SLIT2: variants seen among roughly 807,000 people sequenced by gnomAD.
SLIT2 encodes slit guidance ligand 2, also known as slit homolog 2 protein.
A neutral mutation model predicts 185.7 loss-of-function variants in SLIT2; 41 were observed. The ratio of observed to expected loss-of-function variants is 0.22; its 90% confidence interval spans 0.17 to 0.29. The LOEUF is 0.29. Ranked by LOEUF, SLIT2 falls within the 10% of genes least tolerant of loss-of-function variation. The pLI, the probability that SLIT2 is intolerant of heterozygous loss-of-function variation, is 1.00. For synonymous variants in SLIT2, 693 were observed against 680.2 expected (o/e 1.02, Z -0.29); for missense variants, 1,571 against 1,909.0 (o/e 0.82, Z 3.30).
intron 4 of SLIT2, among the ~76,000 whole-genome samples, chr4:20,402,442 A>G (rs556261973): frequency 6.6e-6 from 1 of 152,060 alleles, no homozygotes. Flanking sequence ...TTAAAAAACC[A>G]GCTCTTGAAA....
rs971144279 is a variant in SLIT2 at position 20,497,947 on chromosome 4, G to A, written c.914+6048G>A. Among the ~76,000 whole-genome samples, 4 of 151,588 alleles carry A rather than the reference G, an allele frequency of 2.6e-5. No homozygotes were observed. The South Asian group carries it at 8.3e-4, about 32-fold the overall frequency. ...TCAGCACTTTTAGAGGCCGAGGCGGGCAGATCACGAGGTCAAGAGATCAAC... is the reference window on the plus strand; with the variant it reads ...TCAGCACTTTTAGAGGCCGAGGCGGACAGATCACGAGGTCAAGAGATCAAC... On this transcript the variant is annotated intron_variant, in intron 9 of 36. Transcript: ENST00000504154.
At position 20,254,839 on chromosome 4, in the gene SLIT2, T is replaced by C. The variant is rs886767850; in HGVS notation, c.179+845T>C. ...CCCCATCCACCTTTCTGGCAGTTTC[T>C]GCGCCCCTTCACGTGGCAGCAGTTC... On this transcript the variant is annotated intron_variant, in intron 1 of 36. Coordinates refer to ENST00000504154, the MANE Select transcript of SLIT2 (RefSeq NM_004787.4). The surrounding 1 kb of genome is among the most constrained non-coding windows in gnomAD (Gnocchi z 5.1). 49 of 437,976 alleles carry C rather than the reference T, an allele frequency of 1.1e-4. No homozygotes were observed. In the East Asian group the frequency reaches 3.0e-3, roughly 27 times the overall value. The allele number at this position is 437,976 out of a possible 1,614,324, so 27.1% of individuals were successfully genotyped here.
At chr4:20,331,399 A>T (rs892471382) in intron 4 of SLIT2, among the ~76,000 whole-genome samples, 2 of 152,130 alleles carry the variant, frequency 1.3e-5, no homozygotes, top group African/African-American at 4.8e-5. Flanking sequence ...AGTCTATAAG[A>T]ATGTTGCATT....
chr4:20,339,068 G>A (rs1459689899), intron 4 of SLIT2, among the ~76,000 whole-genome samples: 3 of 124,956 alleles, frequency 2.4e-5, no homozygotes, highest in East Asian at 4.9e-4. Flanking sequence ...ATTCCAGCCT[G>A]CATGATAAAG....
At chr4:20,527,082 C>T (rs1424994630) in intron 15 of SLIT2, among the ~76,000 whole-genome samples, 2 of 152,128 alleles carry the variant, frequency 1.3e-5, no homozygotes, top group Non-Finnish European at 2.9e-5. Flanking sequence ...GATTCCATTT[C>T]CACTAAGACA....
intron 4 of SLIT2, among the ~76,000 whole-genome samples, chr4:20,394,194 TG>T (rs1725690396): frequency 1.3e-5 from 2 of 150,500 alleles, no homozygotes; most frequent in East Asian, 2.0e-4. Context: ...GGGTTTTCAA[TG>T]AAAAAAAAAC....
chr4:20,327,384 A>G (rs1719680781), intron 4 of SLIT2, among the ~76,000 whole-genome samples: 1 of 152,074 alleles, frequency 6.6e-6, no homozygotes, highest in Non-Finnish European at 1.5e-5. Context: ...TTCACATAAT[A>G]TCAATTGCTA....
intron 4 of SLIT2, among the ~76,000 whole-genome samples, chr4:20,328,089 C>T (rs531934979): frequency 2.0e-5 from 3 of 152,072 alleles, no homozygotes; most frequent in South Asian, 4.1e-4. Flanking sequence ...CTTAGAACTA[C>T]CCTACAAGGT....
At chr4:20,419,644 T>G (rs1173347269) in intron 4 of SLIT2, among the ~76,000 whole-genome samples, 1 of 150,456 alleles carries the variant, frequency 6.6e-6, no homozygotes, top group East Asian at 2.0e-4. Context: ...CTGGCTGTGT[T>G]GCTGTTAAGG....
At chr4:20,564,778 T>C (rs1205489257) in intron 26 of SLIT2, among the ~76,000 whole-genome samples, 2 of 123,984 alleles carry the variant, frequency 1.6e-5, no homozygotes, top group South Asian at 2.7e-4. Flanking sequence ...ATGCTTGTTA[T>C]CTTGATTTTT....
At chr4:20,472,598 C>CGATATATCTAGATATATCGATATA (rs1243899697) in intron 5 of SLIT2, among the ~76,000 whole-genome samples, 3 of 7,778 alleles carry the variant, frequency 3.9e-4, no homozygotes, top group African/African-American at 6.0e-4. Context: ...AGATATATAT[C>CGATATATCTAGATATATCGATATA]TATAGATATA....
chr4:20,445,671 A>G (rs1711704144), intron 4 of SLIT2, among the ~76,000 whole-genome samples: 1 of 152,222 alleles, frequency 6.6e-6, no homozygotes, highest in African/African-American at 2.4e-5. Context: ...TATTTTTCCA[A>G]GAAAGTGTCC....
intron 4 of SLIT2, among the ~76,000 whole-genome samples, chr4:20,275,747 T>C (rs551807193): frequency 6.6e-6 from 1 of 152,284 alleles, no homozygotes; most frequent in East Asian, 1.9e-4. Context: ...AGTTGATGAT[T>C]CATATAGTTT....
intron 4 of SLIT2, among the ~76,000 whole-genome samples, chr4:20,435,436 T>C (rs145975969): frequency 3.2e-4 from 49 of 152,264 alleles, no homozygotes; most frequent in African/African-American, 1.2e-3. Context: ...GCTAAGAGAA[T>C]ACATGCTTAA....
At chr4:20,479,564 T>C (rs1716481751) in intron 5 of SLIT2, among the ~76,000 whole-genome samples, 1 of 152,086 alleles carries the variant, frequency 6.6e-6, no homozygotes, top group Non-Finnish European at 1.5e-5. Context: ...GTCAAAATAC[T>C]TTTTTAACTG....
In SLIT2 at chr4:20,528,037, G is replaced by A. The variant is rs781032751; in HGVS notation, c.1463-912G>A. 2.0e-5 allele frequency among the ~76,000 whole-genome samples: 3 copies of A among 151,918 alleles called. No individual in the cohort carries two copies. Among genetic ancestry groups the A allele is most frequent in the South Asian group, 2.1e-4 (1 of 4,806 alleles). On this transcript the variant is annotated intron_variant, in intron 15 of 36. Transcript: ENST00000504154. This position sits in a 1 kb window ranked among gnomAD's most constrained non-coding sequence, Gnocchi z 4.2. ...CAACTTCTTCCTGGATGTTGTTCCC[G>A]AAAGCTGTTGTTTCCATTCTGCAGT...
In SLIT2 at chr4:20,617,470, G is replaced by A. The variant is rs200990020; in HGVS notation, c.4168G>A (p.Ala1390Thr). ...CVHGTCLPINAFSYSCKCLEG... is the reference protein window; with the variant it reads ...CVHGTCLPINTFSYSCKCLEG... ...ACATGGCACCTGCTTGCCCATCAAT[G>A]CGTTCTCCTACAGCTGTAAGTGCTT... is the stretch of plus-strand genomic sequence containing the variant. Residue 1390 changes from alanine (A) to threonine (T), a missense_variant, in exon 36 of 37, where the codon GCG (alanine) becomes ACG (threonine). Physicochemically the swap from Ala to Thr is moderately conservative, Grantham distance 58 (BLOSUM62 0). Transcript: ENST00000504154. 5.6e-6 allele frequency: 9 copies of A among 1,613,976 alleles called. No individual in the cohort carries two copies. The highest frequency in any genetic ancestry group is 7.6e-6 in the Non-Finnish European group (9 of 1,180,020).
chr4:20,275,500 G>A (rs1332462618), intron 4 of SLIT2, among the ~76,000 whole-genome samples: 1 of 152,176 alleles, frequency 6.6e-6, no homozygotes, highest in East Asian at 1.9e-4. Context: ...GGAAATGATA[G>A]TCACTCAGAT....
intron 4 of SLIT2, among the ~76,000 whole-genome samples, chr4:20,401,667 A>G (rs935290409): frequency 2.6e-5 from 4 of 151,834 alleles, no homozygotes; most frequent in African/African-American, 9.7e-5. Flanking sequence ...CTACAACTTG[A>G]CATAATGAAG....
Sources: allele counts gnomAD v4.1 joint callset (sites outside exome capture counted in the v4.1 genomes callset), GRCh38; gene constraint gnomAD v4.1.1; non-coding constraint Gnocchi (gnomAD v3.1); transcripts MANE v1.5; gene names NCBI Gene and HGNC (gene_info 2026-07-23, HGNC 2026-07-21).